DMD: variants seen among roughly 807,000 people sequenced by gnomAD.
The protein encoded by DMD is dystrophin.
DMD carries 63 observed loss-of-function variants against 330.1 expected under a neutral mutation model. The observed-to-expected ratio is 0.19, with a 90% CI of 0.16 to 0.24. The LOEUF is 0.24. Among genes scored for constraint, DMD ranks in the 10% least tolerant of loss-of-function variants. DMD has a pLI of 1.00. For synonymous variants in DMD, 1,223 were observed against 959.8 expected (o/e 1.27, Z -5.07); for missense variants, 3,344 against 2,684.1 (o/e 1.25, Z -5.43).
At chrX:31,857,771 T>A (rs1242827449) in intron 48 of DMD, among the ~76,000 whole-genome samples, 1 of 102,302 alleles carries the variant, frequency 9.8e-6, no homozygotes, top group Non-Finnish European at 2.1e-5. Context: ...CTTTTCAAAA[T>A]ATATGTCAGA....
intron 1 of DMD, among the ~76,000 whole-genome samples, chrX:33,183,435 A>C (rs1603396887): frequency 8.9e-6 from 1 of 112,111 alleles, no homozygotes; most frequent in East Asian, 2.8e-4. Flanking sequence ...GTCAAAGCTA[A>C]GGAAAAAGAT....
chrX:32,384,574 A>G lies in DMD; in HGVS notation c.4674+1736T>C, dbSNP rs767123478. On this transcript the variant is annotated intron_variant, in intron 33 of 78. Transcript: ENST00000357033. ...AGGGTTTTTAAAATATAAAAACAAG[A>G]CTATCTAAGAAAAATGATTACTTCC... is the stretch of plus-strand genomic sequence containing the variant. Among the ~76,000 whole-genome samples the G allele has an allele frequency of 5.4e-5, 6 of 111,122 alleles. 1 individual carries two copies. In the East Asian group the frequency reaches 1.7e-3, roughly 32 times the overall value.
chrX:32,027,164 G>GCGCACA (rs1557075784), intron 44 of DMD, among the ~76,000 whole-genome samples: 11 of 89,504 alleles, frequency 1.2e-4, no homozygotes, highest in South Asian at 6.4e-4. Flanking sequence ...ACACGCACGT[G>GCGCACA]CACACACACA....
At chrX:31,657,847 G>T in intron 54 of DMD, 143 bp downstream of exon 54, 1 of 586,861 alleles carries the variant, frequency 1.7e-6, no homozygotes, top group Admixed American at 3.2e-5. Flanking sequence ...AGCCAAGTCC[G>T]TGAGTTTAGT....
At chrX:32,328,190 C>A (rs1338451475) in intron 41 of DMD, among the ~76,000 whole-genome samples, 1 of 111,338 alleles carries the variant, frequency 9.0e-6, no homozygotes, top group Non-Finnish European at 1.9e-5. Context: ...ATGAAAAGGA[C>A]AGAAAATGTA....
chrX:32,824,119 G>A (rs2078503124), intron 4 of DMD, among the ~76,000 whole-genome samples: 1 of 112,063 alleles, frequency 8.9e-6, no homozygotes, highest in Non-Finnish European at 1.9e-5. Flanking sequence ...ATGCTGGTGA[G>A]GGTGTGGAGA....
At chrX:32,465,575 G>GTTTTTTTTT (rs1569563838) in intron 23 of DMD, among the ~76,000 whole-genome samples, 1 of 27,835 alleles carries the variant, frequency 3.6e-5, no homozygotes, top group African/African-American at 1.2e-4. Flanking sequence ...TTTTTTGTTT[G>GTTTTTTTTT]TTTTTTGTTT....
chrX:32,652,704 G>A (rs1048802679), intron 9 of DMD, among the ~76,000 whole-genome samples: 1 of 111,219 alleles, frequency 9.0e-6, no homozygotes, highest in Non-Finnish European at 1.9e-5. Flanking sequence ...GGGTCAAATG[G>A]TATTTCTAGT....
chrX:31,742,301 C>G (rs1016244305), intron 51 of DMD, among the ~76,000 whole-genome samples: 3 of 112,827 alleles, frequency 2.7e-5, no homozygotes, highest in Admixed American at 1.9e-4. Context: ...CCAACTGGCA[C>G]AAGAGGTCTG....
At chrX:32,737,389 G>T (rs772946128) in intron 7 of DMD, among the ~76,000 whole-genome samples, 2 of 110,509 alleles carry the variant, frequency 1.8e-5, no homozygotes, top group South Asian at 7.7e-4. Flanking sequence ...TAATAATTAG[G>T]TCTTATAAAA....
chrX:31,813,758 C>T (rs755032431), intron 50 of DMD, among the ~76,000 whole-genome samples: 18 of 111,972 alleles, frequency 1.6e-4, no homozygotes, highest in South Asian at 3.8e-4. Context: ...AGTGGGAGAG[C>T]TACTCCTACA....
intron 41 of DMD, among the ~76,000 whole-genome samples, chrX:32,339,380 T>C (rs1428570775): frequency 4.5e-5 from 5 of 112,263 alleles, no homozygotes; most frequent in Admixed American, 1.9e-4. Flanking sequence ...TTAGAAATGA[T>C]TGGAATTCCT....
chrX:31,989,699 A>G (rs766849701), intron 44 of DMD, among the ~76,000 whole-genome samples: 1 of 111,997 alleles, frequency 8.9e-6, no homozygotes, highest in Non-Finnish European at 1.9e-5. Flanking sequence ...ATGAACTTAT[A>G]TACAATGAAG....
At chrX:31,783,239 T>C (rs1005506540) in intron 50 of DMD, among the ~76,000 whole-genome samples, 1 of 111,534 alleles carries the variant, frequency 9.0e-6, no homozygotes, top group African/African-American at 3.3e-5. Context: ...CTGATTTGGG[T>C]TTGTTTATTC....
intron 18 of DMD, among the ~76,000 whole-genome samples, chrX:32,513,625 G>C (rs777091756): frequency 8.9e-6 from 1 of 111,769 alleles, no homozygotes; most frequent in Non-Finnish European, 1.9e-5. Flanking sequence ...TGAAAGGAAG[G>C]AGAAAGAATA....
chrX:32,764,565 C>A (rs2072733538), intron 7 of DMD, among the ~76,000 whole-genome samples: 2 of 111,301 alleles, frequency 1.8e-5, no homozygotes, highest in African/African-American at 6.5e-5. Context: ...TTGTATCTGG[C>A]TTTTTCCCCT....
chrX:32,980,368 CAAAAAAAAAAA>C (rs755016078), intron 2 of DMD, among the ~76,000 whole-genome samples: 13 of 42,633 alleles, frequency 3.0e-4, no homozygotes, highest in African/African-American at 1.1e-3. Flanking sequence ...GACTCTGTCT[CAAAAAAAAAAA>C]AAAAAAAAAA....
At chrX:33,212,835 A>C (rs953499135), upstream of DMD, among the ~76,000 whole-genome samples, 2 of 111,902 alleles carry the variant, frequency 1.8e-5, no homozygotes, top group Non-Finnish European at 3.8e-5. Context: ...GCATATAAGC[A>C]AAATTTTCAT....
At chrX:31,255,336 G>A (rs17338416) in intron 63 of DMD, among the ~76,000 whole-genome samples, 16,204 of 110,829 alleles carry the variant, frequency 0.15, 1,045 homozygotes, top group East Asian at 0.36. Flanking sequence ...AAATCACCAA[G>A]CTAACCTATT....
Sources: allele counts gnomAD v4.1 joint callset (sites outside exome capture counted in the v4.1 genomes callset), GRCh38; gene constraint gnomAD v4.1.1; transcripts MANE v1.5; gene names NCBI Gene and HGNC (gene_info 2026-07-23, HGNC 2026-07-21).